The following SPON2 variants were observed in gnomAD, a reference collection of about 807,000 sequenced individuals.
The protein encoded by SPON2 is spondin 2.
Under a neutral mutation model 29.9 loss-of-function variants are expected in SPON2, and 32 were observed. The observed-to-expected ratio is 1.07, with a 90% CI of 0.81 to 1.44. The LOEUF is 1.44. Ranked by LOEUF, SPON2 falls within the 40% of genes most tolerant of loss-of-function variation. The pLI is 0.00. For missense variants in SPON2, 541 were observed against 455.5 expected, an observed-to-expected ratio of 1.19 and a Z score of -1.71; for synonymous variants, 248 against 209.1, an observed-to-expected ratio of 1.19 and a Z score of -1.61.
In SPON2 at chr4:1,171,028, C is replaced by T. The variant is rs1241889429; in HGVS notation, c.607G>A (p.Ala203Thr). 6.5e-7 allele frequency: 1 copy of T among 1,548,702 alleles called. No homozygotes were observed. Among genetic ancestry groups the T allele is most frequent in the East Asian group, 2.4e-5 (1 of 40,854 alleles). The change falls in exon 4 of 6, where the codon GCC becomes ACC. Residue 203 changes from alanine (A) to threonine (T), a missense_variant. Coordinates refer to ENST00000290902, the MANE Select transcript of SPON2 (RefSeq NM_012445.4). ...GTCACCGTGTCCTGCGGGATGGTGG[C>T]GAAGTTGGGGGAGGAGAAGGTGAAG... Reference protein sequence around the residue: ...SGFTFSSPNFATIPQDTVTEI... With the variant: ...SGFTFSSPNFTTIPQDTVTEI...
chr4:1,197,682 A>T (rs1276510078), upstream of SPON2, among the ~76,000 whole-genome samples: 2 of 90,918 alleles, frequency 2.2e-5, no homozygotes, highest in African/African-American at 7.7e-5. Context: ...CAAATAAGTA[A>T]AAAGGAGAAA....
exon 1 of SPON2, chr4:1,194,991 T>TCACAGCCGGCGGTTCCAACCC (rs1560210667): frequency 2.7e-5 from 2 of 74,154 alleles, no homozygotes; most frequent in African/African-American, 5.9e-5. Context: ...CGGCCTCACC[T>TCACAGCCGGCGGTTCCAACCC]CACAGCCGGC....
chr4:1,180,104 G>T (rs1421779569), intron 1 of SPON2, among the ~76,000 whole-genome samples: 1 of 152,116 alleles, frequency 6.6e-6, no homozygotes, highest in Non-Finnish European at 1.5e-5. Flanking sequence ...ACCTCAGAAG[G>T]CACTGAGCTC....
intron 1 of SPON2, 115 bp from the exon 2 acceptor site, chr4:1,172,189 C>G (rs1727482625): frequency 1.2e-6 from 1 of 834,658 alleles, no homozygotes; most frequent in South Asian, 1.7e-5. Context: ...GCACCCGCGA[C>G]CCCCTCCCTG....
chr4:1,194,948 C>CCCCGCAGCCGGCGG lies in SPON2; in HGVS notation c.-239+41_-239+42insCCGCCGGCTGCGGG, dbSNP rs1728017647. ...CCAACCCCGCAGCCGGCGGCTCCAA[C>CCCCGCAGCCGGCGG]CTCGCAGCCGGCGACTCCAACCCCG... On this transcript the variant is annotated intron_variant, in intron 1 of 3. Transcript: ENST00000502483. The CCCCGCAGCCGGCGG allele has an allele frequency of 1.6e-4, 22 of 140,092 alleles. 1 individual carries two copies. The highest frequency in any genetic ancestry group is 3.3e-4 in the Non-Finnish European group (21 of 64,184). 8.7% of individuals were successfully genotyped at this position (140,092 alleles called of 1,614,324 possible).
intron 5 of SPON2, 96 bp downstream of exon 5, chr4:1,170,306 T>TTAAG: frequency 1.6e-6 from 2 of 1,248,514 alleles, no homozygotes; most frequent in Non-Finnish European, 2.3e-6. Context: ...GAATCCCTAC[T>TTAAG]TGGAATTTCT....
Position 1,167,287 on chromosome 4 carries a change from T to C in SPON2, c.*185A>G. 1.7e-6 allele frequency: 1 copy of C among 583,012 alleles called. No individual in the cohort carries two copies. The allele number at this position is 583,012 out of a possible 1,614,324, so 36.1% of individuals were successfully genotyped here. A position where few individuals can be genotyped will look rare whatever the true frequency, so the allele number is the denominator to read the frequency against. ...AAGCAAGGTTGGGAAAGGAGGAGGCTGTTTCCCAATGCCCGTGCCGGCCAC... is the reference window on the plus strand; with the variant it reads ...AAGCAAGGTTGGGAAAGGAGGAGGCCGTTTCCCAATGCCCGTGCCGGCCAC... On this transcript the variant is annotated 3_prime_UTR_variant, in exon 6 of 6. Transcript: ENST00000290902.
upstream of SPON2, among the ~76,000 whole-genome samples, chr4:1,174,257 C>T (rs535705523): frequency 5.3e-5 from 8 of 151,730 alleles, no homozygotes; most frequent in South Asian, 1.0e-3. Flanking sequence ...GAGGCCAGGG[C>T]GGGCGGATCA....
chr4:1,186,730 C>T (rs1727814472), intron 1 of SPON2, among the ~76,000 whole-genome samples: 1 of 152,182 alleles, frequency 6.6e-6, no homozygotes, highest in African/African-American at 2.4e-5. Flanking sequence ...GAATAGACAT[C>T]TCTCCAAAGA....
chr4:1,187,668 T>C (rs1307536004), intron 1 of SPON2, among the ~76,000 whole-genome samples: 1 of 152,204 alleles, frequency 6.6e-6, no homozygotes, highest in East Asian at 1.9e-4. Flanking sequence ...TATAATTTAA[T>C]GTCAATGGTA....
intron 1 of SPON2, among the ~76,000 whole-genome samples, chr4:1,204,749 C>A (rs73793111): frequency 6.6e-6 from 1 of 152,328 alleles, no homozygotes; most frequent in East Asian, 1.9e-4. Flanking sequence ...CACCTCGTGA[C>A]GCCCAGGACA....
At chr4:1,198,466 A>G (rs1728121262), upstream of SPON2, among the ~76,000 whole-genome samples, 1 of 152,226 alleles carries the variant, frequency 6.6e-6, no homozygotes. Flanking sequence ...GGATAATCTA[A>G]TTCAAAAACC....
intron 1 of SPON2, chr4:1,201,585 CTTTT>C: frequency 6.8e-6 from 1 of 146,176 alleles, no homozygotes; most frequent in Non-Finnish European, 1.5e-5. Flanking sequence ...CTGATGCTGA[CTTTT>C]TTTTTTTTTT....
chr4:1,195,930 G>T (rs1319175329), upstream of SPON2, among the ~76,000 whole-genome samples: 6 of 152,236 alleles, frequency 3.9e-5, no homozygotes, highest in Admixed American at 1.3e-4. Context: ...CCCACGCCTG[G>T]CCACGCGCCT....
intron 1 of SPON2, among the ~76,000 whole-genome samples, chr4:1,186,444 C>T (rs1727808654): frequency 1.3e-5 from 2 of 151,974 alleles, no homozygotes; most frequent in South Asian, 2.1e-4. Flanking sequence ...GCTGGGATTG[C>T]AGGCGCATGC....
chr4:1,180,697 G>A (rs918024715), intron 1 of SPON2, among the ~76,000 whole-genome samples: 13 of 152,144 alleles, frequency 8.5e-5, no homozygotes, highest in African/African-American at 3.1e-4. Context: ...AAATTATAGA[G>A]AACCAAGTAG....
chr4:1,171,281 C>T lies in SPON2; in HGVS notation c.426G>A (p.Val142=). Residue 142 remains valine (V), a synonymous_variant, in exon 3 of 6, where the codon GTG becomes GTA. Transcript: ENST00000290902. ...GTGQTSAELE[V]QRRHSLVSFV... is the part of the protein sequence containing the mutation. ...CGCTCACCAGCGAGTGCCTGCGCTGCACCTCCAGCTCCGCCGACGTCTGCC... is the reference window on the plus strand; with the variant it reads ...CGCTCACCAGCGAGTGCCTGCGCTGTACCTCCAGCTCCGCCGACGTCTGCC... 6.4e-7 allele frequency: 1 copy of T among 1,554,124 alleles called. No homozygotes were observed. The highest frequency in any genetic ancestry group is 1.8e-5 in the Admixed American group (1 of 54,526).
chr4:1,188,663 C>G (rs1727848677), intron 1 of SPON2, among the ~76,000 whole-genome samples: 1 of 152,154 alleles, frequency 6.6e-6, no homozygotes, highest in South Asian at 2.1e-4. Context: ...CACAGAGCCC[C>G]AAGATACATG....
intron 1 of SPON2, among the ~76,000 whole-genome samples, chr4:1,193,276 C>T (rs554235491): frequency 2.4e-4 from 36 of 152,250 alleles, no homozygotes; most frequent in South Asian, 1.5e-3. Context: ...GAGGGTGCAA[C>T]GTCCCCTGTC....
Sources: allele counts gnomAD v4.1 joint callset (sites outside exome capture counted in the v4.1 genomes callset), GRCh38; gene constraint gnomAD v4.1.1; transcripts MANE v1.5; gene names NCBI Gene and HGNC (gene_info 2026-07-23, HGNC 2026-07-21).